TMC2: variants seen among roughly 807,000 people sequenced by gnomAD.
The protein encoded by TMC2 is transmembrane channel like 2.
TMC2 carries 102 observed loss-of-function variants against 105.9 expected under a neutral mutation model. The ratio of observed to expected loss-of-function variants is 0.96; its 90% CI spans 0.82 to 1.14. The LOEUF is 1.14. Among genes scored for constraint, TMC2 ranks in the 50% most tolerant of loss-of-function variants. The pLI is 0.00. For synonymous variants in TMC2, 402 were observed against 422.8 expected (o/e 0.95, Z 0.60); for missense variants, 1,093 against 1,134.3 (o/e 0.96, Z 0.52).
At chr20:2,599,712 G>T (rs1489332865) in intron 10 of TMC2, among the ~76,000 whole-genome samples, 1 of 151,914 alleles carries the variant, frequency 6.6e-6, no homozygotes, top group Non-Finnish European at 1.5e-5. Flanking sequence ...AAAGCACTGG[G>T]ATTACAGGTG....
chr20:2,602,413 A>G, intron 11 of TMC2, 112 bp downstream of exon 11: 1 of 765,180 alleles, frequency 1.3e-6, no homozygotes. Context: ...TTGTTTTAAT[A>G]AGTGAAATTA....
At chr20:2,637,251 G>A (rs1378629728) in intron 18 of TMC2, among the ~76,000 whole-genome samples, 1 of 151,876 alleles carries the variant, frequency 6.6e-6, no homozygotes, top group African/African-American at 2.4e-5. Context: ...GCCAGGTGTG[G>A]TGGCACACAC....
At chr20:2,536,689 C>T in intron 1 of TMC2, 34 bp downstream of exon 1, 1 of 1,561,710 alleles carries the variant, frequency 6.4e-7, no homozygotes, top group Non-Finnish European at 8.7e-7. Context: ...GGGGCCCGCC[C>T]ACAGGGTTCC....
At chr20:2,598,654 C>T (rs570062420) in intron 10 of TMC2, among the ~76,000 whole-genome samples, 5 of 151,840 alleles carry the variant, frequency 3.3e-5, no homozygotes, top group Admixed American at 1.3e-4. Flanking sequence ...GTGATCTGCC[C>T]GCCTCGGCCT....
At chr20:2,637,739 G>A (rs1405213252) in intron 19 of TMC2, 148 bp downstream of exon 19, 1 of 615,916 alleles carries the variant, frequency 1.6e-6, no homozygotes, top group East Asian at 2.8e-5. Context: ...GGTGAATATA[G>A]GGGTCAATCA....
At chr20:2,594,245 TGA>T (rs2086288872) in intron 8 of TMC2, among the ~76,000 whole-genome samples, 2 of 149,342 alleles carry the variant, frequency 1.3e-5, no homozygotes, top group African/African-American at 4.9e-5. Flanking sequence ...TTTTTTTTTT[TGA>T]GACAGAGTCT....
At chr20:2,549,692 G>A (rs1335030374) in intron 2 of TMC2, among the ~76,000 whole-genome samples, 1 of 152,146 alleles carries the variant, frequency 6.6e-6, no homozygotes, top group Non-Finnish European at 1.5e-5. Context: ...GCAGTGAGCC[G>A]AGAGCACGCC....
intron 17 of TMC2, among the ~76,000 whole-genome samples, chr20:2,628,128 A>G (rs2086576964): frequency 1.3e-5 from 2 of 151,770 alleles, no homozygotes; most frequent in South Asian, 2.1e-4. Context: ...AGATCATGCC[A>G]CTGCACTCCA....
At chr20:2,544,165 C>T (rs1488199505) in intron 2 of TMC2, among the ~76,000 whole-genome samples, 1 of 151,402 alleles carries the variant, frequency 6.6e-6, no homozygotes, top group Non-Finnish European at 1.5e-5. Flanking sequence ...ATCTGCCTGC[C>T]TTGGCTTCCC....
chr20:2,580,080 T>A (rs1369517592), intron 7 of TMC2, 24 bp downstream of exon 7: 1 of 1,499,686 alleles, frequency 6.7e-7, no homozygotes, highest in Non-Finnish European at 9.3e-7. Flanking sequence ...TTCCTAAATC[T>A]TTGGATAGAG....
chr20:2,636,508 A>C (rs2086646226), intron 18 of TMC2, among the ~76,000 whole-genome samples: 1 of 150,676 alleles, frequency 6.6e-6, no homozygotes, highest in Non-Finnish European at 1.5e-5. Flanking sequence ...ACACCCTAAA[A>C]TTCAGACCCT....
chr20:2,631,506 C>T (rs1289652772), intron 17 of TMC2, among the ~76,000 whole-genome samples: 1 of 152,220 alleles, frequency 6.6e-6, no homozygotes, highest in South Asian at 2.1e-4. Context: ...ATTTCTCCTT[C>T]ATTCTTGAAG....
chr20:2,570,492 A>G (rs2086095426), intron 4 of TMC2, among the ~76,000 whole-genome samples: 1 of 152,128 alleles, frequency 6.6e-6, no homozygotes, highest in Non-Finnish European at 1.5e-5. Context: ...CAATACAATG[A>G]CTAAAGAAAT....
intron 4 of TMC2, among the ~76,000 whole-genome samples, chr20:2,566,850 A>G (rs544721468): frequency 1.6e-4 from 24 of 152,242 alleles, no homozygotes; most frequent in Admixed American, 2.6e-4. Flanking sequence ...GAGGCAGCCA[A>G]AAAAAATGCC....
At chr20:2,577,981 G>T (rs938292551) in intron 5 of TMC2, among the ~76,000 whole-genome samples, 1 of 152,028 alleles carries the variant, frequency 6.6e-6, no homozygotes, top group Admixed American at 6.6e-5. Context: ...CTTTACAGGG[G>T]AATATCTCAT....
rs2086446353 is a variant in TMC2 at position 2,612,282 on chromosome 20, CA to C, written c.1686del (p.Leu564CysfsTer21). On this transcript the variant is annotated frameshift_variant, in exon 13 of 20. Coordinates refer to ENST00000358864, the MANE Select transcript of TMC2 (RefSeq NM_080751.3). LOFTEE classifies it high-confidence loss of function. ...GGTTGGAACGAGAGTGTCCCCCGAC[CA>C]CCCCTGCACCCTGCAGATGTGCCCC... ...SSGWNESVPRPPLHPADVPRG... is the reference protein window; with the variant it reads ...SSGWNESVPRXPLHPADVPRG... 12 of 1,608,458 alleles carry C rather than the reference CA, an allele frequency of 7.5e-6. No homozygotes were observed. Among genetic ancestry groups the C allele is most frequent in the Non-Finnish European group, 1.0e-5 (12 of 1,176,520 alleles).
rs536231632 is a variant in TMC2 at position 2,642,906 on chromosome 20, A to G, written c.*1555A>G. Among the ~76,000 whole-genome samples, 40 of 148,110 alleles carry G rather than the reference A, an allele frequency of 2.7e-4. No homozygotes were observed. Among genetic ancestry groups the G allele is most frequent in the African/African-American group, 1.0e-3 (39 of 38,282 alleles). On this transcript the variant is annotated 3_prime_UTR_variant, in exon 20 of 20. Transcript: ENST00000358864. ...AACCAGGCCCCCAGGGGTTCTCAGGAGAATCCCCCAGACTCAGAAAGTCAG... is the reference window on the plus strand; with the variant it reads ...AACCAGGCCCCCAGGGGTTCTCAGGGGAATCCCCCAGACTCAGAAAGTCAG...
intron 7 of TMC2, among the ~76,000 whole-genome samples, chr20:2,580,723 C>A (rs1337120886): frequency 6.6e-6 from 1 of 152,138 alleles, no homozygotes; most frequent in East Asian, 1.9e-4. Flanking sequence ...GTTGGGATTA[C>A]AGGCATAACC....
chr20:2,592,378 C>T lies in TMC2; in HGVS notation c.903C>T (p.Ala301=), dbSNP rs766165467. The part of the protein sequence containing the change: ...KTVPRAEEEK[A]MDFSVLWDFE... Reference sequence around the variant, plus strand: ...TGCCTCGGGCTGAGGAAGAAAAGGCCATGGATTTTTCTGTCCTTTGGGATT... The same window carrying T: ...TGCCTCGGGCTGAGGAAGAAAAGGCTATGGATTTTTCTGTCCTTTGGGATT... Residue 301 remains alanine, a synonymous_variant, in exon 8 of 20, where the codon GCC becomes GCT. Transcript: ENST00000358864. The surrounding 1 kb of genome is among the most constrained non-coding windows in gnomAD (Gnocchi z 4.9). 149 of 1,613,898 alleles carry T rather than the reference C, an allele frequency of 9.2e-5. No individual in the cohort carries two copies. The highest frequency in any genetic ancestry group is 1.2e-4 in the Non-Finnish European group (147 of 1,179,838).
Sources: gnomAD v4.1 joint callset for allele counts (sites outside exome capture counted in the v4.1 genomes callset) on GRCh38, gnomAD v4.1.1 for gene constraint, Gnocchi (gnomAD v3.1) non-coding constraint, MANE v1.5 for transcripts, NCBI Gene and HGNC (gene_info 2026-07-23, HGNC 2026-07-21) for gene names.